The following ARFGEF3 variants were observed in gnomAD, a reference collection of about 807,000 sequenced individuals.
The protein encoded by ARFGEF3 is ARFGEF family member 3, also known as brefeldin A-inhibited guanine nucleotide-exchange protein 3.
Under a neutral mutation model 221.7 loss-of-function variants are expected in ARFGEF3, and 96 were observed. The observed-to-expected ratio is 0.43, with a 90% CI of 0.37 to 0.51. ARFGEF3 has a LOEUF of 0.51. Ranked by LOEUF, ARFGEF3 falls within the 20% of genes least tolerant of loss-of-function variation. The probability of loss-of-function intolerance (pLI) is 0.00; values close to 1 mark genes in which losing one functional copy is unlikely to be tolerated. For missense variants in ARFGEF3, 2,410 were observed against 2,789.9 expected (o/e 0.86, Z 3.07); for synonymous variants, 1,145 against 1,126.8 (o/e 1.02, Z -0.32).
At chr6:138,255,350 C>A in intron 9 of ARFGEF3, 86 bp from the exon 10 acceptor site, 2 of 988,326 alleles carry the variant, frequency 2.0e-6, no homozygotes, top group Non-Finnish European at 3.0e-6. Context: ...GCACTCTTGT[C>A]ATTTCTATGG....
At chr6:138,214,058 G>A (rs1410454938) in intron 4 of ARFGEF3, among the ~76,000 whole-genome samples, 1 of 152,188 alleles carries the variant, frequency 6.6e-6, no homozygotes, top group African/African-American at 2.4e-5. Context: ...CTCTCTGAAT[G>A]AGGAATTTCT....
chr6:138,228,008 A>G (rs2114529672), intron 4 of ARFGEF3, among the ~76,000 whole-genome samples: 1 of 152,262 alleles, frequency 6.6e-6, no homozygotes, highest in South Asian at 2.1e-4. Flanking sequence ...CTCCAAGCCC[A>G]GGGTAGGTCC....
intron 8 of ARFGEF3, among the ~76,000 whole-genome samples, chr6:138,251,183 T>A (rs1470009528): frequency 2.6e-5 from 4 of 152,222 alleles, no homozygotes; most frequent in African/African-American, 9.6e-5. Flanking sequence ...GTATTCACCA[T>A]GGCACACTTT....
chr6:138,305,447 A>T (rs925061008), intron 22 of ARFGEF3, among the ~76,000 whole-genome samples: 8 of 151,806 alleles, frequency 5.3e-5, no homozygotes, highest in African/African-American at 1.2e-4. Flanking sequence ...ACAAAAAAAA[A>T]GTATATATAT....
chr6:138,250,493 ACTGT>A (rs1201766120), intron 8 of ARFGEF3, among the ~76,000 whole-genome samples: 2 of 152,216 alleles, frequency 1.3e-5, no homozygotes, highest in African/African-American at 4.8e-5. Flanking sequence ...AAGCATTCCC[ACTGT>A]CTGTCTTAAT....
At chr6:138,282,501 G>A (rs1583047881) in intron 14 of ARFGEF3, among the ~76,000 whole-genome samples, 1 of 141,022 alleles carries the variant, frequency 7.1e-6, no homozygotes, top group African/African-American at 2.5e-5. Flanking sequence ...GAATAAACTG[G>A]CAGGTGGAAC....
At chr6:138,181,197 A>G (rs1260492068) in intron 2 of ARFGEF3, among the ~76,000 whole-genome samples, 4 of 152,182 alleles carry the variant, frequency 2.6e-5, no homozygotes, top group Admixed American at 6.5e-5. Context: ...CATCACTTAA[A>G]GAAGTCACCA....
At chr6:138,305,047 A>T (rs1779695074) in intron 22 of ARFGEF3, among the ~76,000 whole-genome samples, 1 of 151,546 alleles carries the variant, frequency 6.6e-6, no homozygotes, top group Admixed American at 6.6e-5. Context: ...TGTTTAACAA[A>T]TTGAATAAAG....
chr6:138,295,586 C>T (rs1034208590), intron 20 of ARFGEF3, among the ~76,000 whole-genome samples: 10 of 148,584 alleles, frequency 6.7e-5, no homozygotes, highest in Admixed American at 2.0e-4. Flanking sequence ...GCTGAGATTG[C>T]ACCACTGCAC....
intron 2 of ARFGEF3, among the ~76,000 whole-genome samples, chr6:138,180,550 C>T (rs1052331077): frequency 2.6e-5 from 4 of 151,994 alleles, no homozygotes; most frequent in Admixed American, 6.6e-5. Context: ...TGAGTTTTGG[C>T]CCTGTTGAGT....
chr6:138,187,825 C>T (rs1203876178), intron 2 of ARFGEF3, among the ~76,000 whole-genome samples: 1 of 152,176 alleles, frequency 6.6e-6, no homozygotes, highest in African/African-American at 2.4e-5. Context: ...TGTGTCAAGT[C>T]ACCCTACTAA....
chr6:138,317,233 C>G lies in ARFGEF3; in HGVS notation c.4346-18C>G. On this transcript the variant is annotated intron_variant, in intron 26 of 33. Coordinates refer to ENST00000251691, the MANE Select transcript of ARFGEF3 (RefSeq NM_020340.5). Reference sequence around the variant, plus strand: ...GTGTCTAACTGGATTTCATACAGGTCTGCTTTTTGGTTTCCAGGTCTGATA... The same window carrying G: ...GTGTCTAACTGGATTTCATACAGGTGTGCTTTTTGGTTTCCAGGTCTGATA... 1 of 1,609,098 alleles carries G rather than the reference C, an allele frequency of 6.2e-7. No homozygotes were observed. The highest frequency in any genetic ancestry group is 8.5e-7 in the Non-Finnish European group (1 of 1,178,518).
intron 1 of ARFGEF3, among the ~76,000 whole-genome samples, chr6:138,165,994 C>T (rs1317533576): frequency 6.6e-6 from 1 of 152,190 alleles, no homozygotes; most frequent in East Asian, 1.9e-4. Context: ...GCCTAGGCTA[C>T]AAGTTCCACT....
At chr6:138,189,237 G>A (rs981795581) in intron 2 of ARFGEF3, among the ~76,000 whole-genome samples, 1 of 152,172 alleles carries the variant, frequency 6.6e-6, no homozygotes, top group Non-Finnish European at 1.5e-5. Flanking sequence ...TGACACACTT[G>A]TGAAAAAAGG....
chr6:138,217,653 C>G (rs1053771863), intron 4 of ARFGEF3: 1 of 222,582 alleles, frequency 4.5e-6, no homozygotes, highest in Non-Finnish European at 8.8e-6. Context: ...CCTAGCGGAG[C>G]ATCTGGCACA....
intron 25 of ARFGEF3, among the ~76,000 whole-genome samples, chr6:138,313,548 A>C (rs1248518848): frequency 2.6e-5 from 4 of 152,244 alleles, no homozygotes; most frequent in African/African-American, 9.6e-5. Context: ...TAAGATACTG[A>C]ACAATTATCC....
intron 26 of ARFGEF3, among the ~76,000 whole-genome samples, chr6:138,316,269 A>G (rs1779924721): frequency 6.6e-6 from 1 of 152,234 alleles, no homozygotes; most frequent in Non-Finnish European, 1.5e-5. Context: ...AATCAGAACA[A>G]AAATCAGTAA....
rs1309606930 is a variant in ARFGEF3, at chr6:138,311,488, A to G, written c.4178A>G (p.Asp1393Gly). ...ACAGACCTGTGCCTCCCGGCCCTGG[A>G]TTACCTCAGGCGCTGCTCTCAGGTA... is the stretch of plus-strand genomic sequence containing the variant. ...PSTDLCLPAL[D>G]YLRRCSQLLA... The change falls in exon 25 of 34, where the codon GAT (aspartate) becomes GGT (glycine). Residue 1393 changes from aspartate (D) to glycine (G), a missense_variant. Transcript: ENST00000251691. 1.2e-6 allele frequency: 2 copies of G among 1,600,308 alleles called. No homozygotes were observed. Among genetic ancestry groups the G allele is most frequent in the Admixed American group, 1.7e-5 (1 of 58,208 alleles).
Position 138,342,362 on chromosome 6 carries a change from C to G in ARFGEF3, c.*5876C>G, listed in dbSNP as rs918186068. On this transcript the variant is annotated 3_prime_UTR_variant, in exon 34 of 34. Coordinates refer to ENST00000251691, the MANE Select transcript of ARFGEF3 (RefSeq NM_020340.5). Reference sequence around the variant, plus strand: ...TACCTTTAAGATCAGCCTGACTTATCAAACGCTAGAGAAAAACTGAATCTA... The same window carrying G: ...TACCTTTAAGATCAGCCTGACTTATGAAACGCTAGAGAAAAACTGAATCTA... 2.6e-5 allele frequency: 4 copies of G among 152,184 alleles called. No homozygotes were observed. Among genetic ancestry groups the G allele is most frequent in the African/African-American group, 9.7e-5 (4 of 41,446 alleles). The allele number at this position is 152,184 out of a possible 1,614,324, so 9.4% of individuals were successfully genotyped here.
Sources: allele counts gnomAD v4.1 joint callset (sites outside exome capture counted in the v4.1 genomes callset), GRCh38; gene constraint gnomAD v4.1.1; transcripts MANE v1.5; gene names NCBI Gene and HGNC (gene_info 2026-07-23, HGNC 2026-07-21).